The following HTR1E variants were observed in gnomAD, a reference collection of about 807,000 sequenced individuals.
The protein encoded by HTR1E is 5-HT-1E.
In HTR1E, 3 loss-of-function variants were observed where a neutral mutation model predicts 3.4. The observed-to-expected ratio is 0.89, with a 90% confidence interval of 0.41 to 2.31. The LOEUF is 2.31. HTR1E is among the 30% of genes most tolerant of loss of function. The probability of loss-of-function intolerance (pLI) is 0.05; values close to 1 mark genes in which losing one functional copy is unlikely to be tolerated. For synonymous variants in HTR1E, 170 were observed against 182.8 expected (o/e 0.93, Z 0.56); for missense variants, 392 against 467.0 (o/e 0.84, Z 1.48).
At chr6:87,009,472 G>A (rs1325141368) in intron 1 of HTR1E, among the ~76,000 whole-genome samples, 3 of 151,814 alleles carry the variant, frequency 2.0e-5, no homozygotes, top group African/African-American at 7.3e-5. Flanking sequence ...TCTCCACACA[G>A]ACACGGCAAC....
At chr6:86,997,138 ACATT>A (rs1284771113) in intron 1 of HTR1E, among the ~76,000 whole-genome samples, 2 of 152,000 alleles carry the variant, frequency 1.3e-5, no homozygotes, top group Admixed American at 1.3e-4. Flanking sequence ...ACAAATTTTA[ACATT>A]CATTCATTAT....
At chr6:86,960,492 C>T (rs1399104320) in intron 1 of HTR1E, among the ~76,000 whole-genome samples, 1 of 151,836 alleles carries the variant, frequency 6.6e-6, no homozygotes, top group African/African-American at 2.4e-5. Context: ...TTGGGGTTTA[C>T]ATTATTCCAC....
intron 1 of HTR1E, among the ~76,000 whole-genome samples, chr6:86,938,998 C>T (rs1768509461): frequency 2.0e-5 from 3 of 152,292 alleles, no homozygotes; most frequent in East Asian, 1.9e-4. Context: ...AAAGCAGGCA[C>T]GTGGGTCTGA....
At chr6:87,010,822 CG>C (rs1462795095) in intron 1 of HTR1E, among the ~76,000 whole-genome samples, 1 of 150,866 alleles carries the variant, frequency 6.6e-6, no homozygotes, top group African/African-American at 2.4e-5. Context: ...TCGGGCCCCG[CG>C]GGGCCCGTCC....
chr6:87,005,851 A>G (rs867547047), intron 1 of HTR1E, among the ~76,000 whole-genome samples: 8 of 152,236 alleles, frequency 5.3e-5, no homozygotes, highest in Middle Eastern at 3.2e-3. Flanking sequence ...CAATAGAATA[A>G]TAACCAGAAT....
chr6:87,009,877 C>T (rs1482404478), intron 1 of HTR1E, among the ~76,000 whole-genome samples: 1 of 112,870 alleles, frequency 8.9e-6, no homozygotes, highest in South Asian at 3.0e-4. Flanking sequence ...GCTGGCCGGG[C>T]GGGGGGCCGA....
At chr6:86,966,889 A>G (rs1767478929) in intron 1 of HTR1E, among the ~76,000 whole-genome samples, 1 of 152,256 alleles carries the variant, frequency 6.6e-6, no homozygotes, top group South Asian at 2.1e-4. Flanking sequence ...TTATTATTTT[A>G]AAGGGTTAAT....
chr6:86,996,137 T>C (rs1000006379), intron 1 of HTR1E, among the ~76,000 whole-genome samples: 1 of 152,062 alleles, frequency 6.6e-6, no homozygotes, highest in African/African-American at 2.4e-5. Flanking sequence ...TAATCAATAT[T>C]TATAAAACAC....
At chr6:87,009,404 A>T (rs1447647539) in intron 1 of HTR1E, among the ~76,000 whole-genome samples, 1 of 152,082 alleles carries the variant, frequency 6.6e-6, no homozygotes, top group East Asian at 1.9e-4. Flanking sequence ...ACAGGATCCC[A>T]CGGCAGAGGA....
At chr6:86,985,712 T>G (rs1767775584) in intron 1 of HTR1E, among the ~76,000 whole-genome samples, 1 of 152,192 alleles carries the variant, frequency 6.6e-6, no homozygotes, top group South Asian at 2.1e-4. Flanking sequence ...AGATCTGCCT[T>G]CCCTGTTGAA....
At chr6:86,995,794 T>TG (rs1287032695) in intron 1 of HTR1E, among the ~76,000 whole-genome samples, 1 of 147,556 alleles carries the variant, frequency 6.8e-6, no homozygotes, top group African/African-American at 2.5e-5. Flanking sequence ...AGATATGCCA[T>TG]GAAAAGATTA....
At chr6:86,971,193 G>T in intron 1 of HTR1E, 1 of 415,744 alleles carries the variant, frequency 2.4e-6, no homozygotes, top group Non-Finnish European at 4.6e-6. Flanking sequence ...AATGAACTAA[G>T]GTGTCTACCA....
In HTR1E at chr6:87,016,219, G is replaced by C; in HGVS notation, c.885G>C (p.Leu295=). 1 of 1,614,130 alleles carries C rather than the reference G, an allele frequency of 6.2e-7. No individual in the cohort carries two copies. Residue 295 remains leucine, a synonymous_variant, in exon 2 of 2, where the codon CTG becomes CTC. Transcript: ENST00000305344. ...GGAAGGCAGCACGCATCCTGGGGCTGATTCTGGGTGCATTCATTTTATCCT... is the reference window on the plus strand; with the variant it reads ...GGAAGGCAGCACGCATCCTGGGGCTCATTCTGGGTGCATTCATTTTATCCT... ...RERKAARILG[L]ILGAFILSWL...
At chr6:87,009,969 C>T (rs1266117721) in intron 1 of HTR1E, among the ~76,000 whole-genome samples, 70 of 123,022 alleles carry the variant, frequency 5.7e-4, no homozygotes, top group African/African-American at 1.9e-3. Context: ...CGGGCAGAGG[C>T]GCCCCTCACC....
chr6:86,989,545 A>G (rs1767844213), intron 1 of HTR1E, among the ~76,000 whole-genome samples: 1 of 152,156 alleles, frequency 6.6e-6, no homozygotes. Context: ...AATAGACAAC[A>G]TTGTCACCTG....
chr6:87,008,949 T>C (rs1768159132), intron 1 of HTR1E, among the ~76,000 whole-genome samples: 1 of 152,242 alleles, frequency 6.6e-6, no homozygotes, highest in African/African-American at 2.4e-5. Context: ...CCTTGAAAGT[T>C]ACATCACTCA....
At chr6:87,003,474 G>C (rs1224147897) in intron 1 of HTR1E, among the ~76,000 whole-genome samples, 1 of 151,766 alleles carries the variant, frequency 6.6e-6, no homozygotes, top group Non-Finnish European at 1.5e-5. Flanking sequence ...GGGATGCAGA[G>C]GTTGCAGTGA....
intron 1 of HTR1E, among the ~76,000 whole-genome samples, chr6:86,946,564 T>TA (rs1424720883): frequency 2.6e-5 from 4 of 152,168 alleles, no homozygotes; most frequent in Non-Finnish European, 5.9e-5. Context: ...TGCTGAAATC[T>TA]AAAAAAATGA....
intron 1 of HTR1E, among the ~76,000 whole-genome samples, chr6:87,012,190 C>T (rs1294780079): frequency 3.3e-5 from 5 of 152,128 alleles, no homozygotes; most frequent in Non-Finnish European, 5.9e-5. Context: ...AAACCCCTCT[C>T]CCCAACCAAA....
Sources: allele counts gnomAD v4.1 joint callset (sites outside exome capture counted in the v4.1 genomes callset), GRCh38; gene constraint gnomAD v4.1.1; transcripts MANE v1.5; gene names NCBI Gene and HGNC (gene_info 2026-07-23, HGNC 2026-07-21).